The following STXBP5L variants were observed in gnomAD, a reference collection of about 807,000 sequenced individuals.
STXBP5L encodes the protein syntaxin binding protein 5L, also known as syntaxin-binding protein 5-like.
A neutral mutation model predicts 144.5 loss-of-function variants in STXBP5L; 65 were observed. The observed-to-expected ratio is 0.45, with a 90% CI of 0.37 to 0.55. The LOEUF (loss-of-function observed/expected upper bound fraction) is 0.55. Among genes scored for constraint, STXBP5L ranks in the 20% least tolerant of loss-of-function variants. The pLI, the probability that STXBP5L is intolerant of heterozygous loss-of-function variation, is 0.00. For synonymous variants in STXBP5L, 505 were observed against 469.6 expected (o/e 1.08, Z -0.97); for missense variants, 1,298 against 1,405.5 (o/e 0.92, Z 1.22).
chr3:121,043,987 C>G (rs1485422902), intron 4 of STXBP5L, among the ~76,000 whole-genome samples: 1 of 151,984 alleles, frequency 6.6e-6, no homozygotes, highest in Non-Finnish European at 1.5e-5. Context: ...CAAATGCTTC[C>G]AAGGAATCCT....
chr3:121,192,466 C>A (rs913220188), intron 9 of STXBP5L, among the ~76,000 whole-genome samples: 2 of 151,922 alleles, frequency 1.3e-5, no homozygotes, highest in African/African-American at 2.4e-5. Flanking sequence ...AATTGGAAAA[C>A]ACTACTTTAA....
At chr3:121,134,084 A>G (rs1436760413) in intron 7 of STXBP5L, among the ~76,000 whole-genome samples, 1 of 152,118 alleles carries the variant, frequency 6.6e-6, no homozygotes, top group Non-Finnish European at 1.5e-5. Context: ...AAACTGAGAA[A>G]TTCATAAAGA....
At chr3:121,399,175 A>G (rs1280226422) in intron 22 of STXBP5L, among the ~76,000 whole-genome samples, 1 of 152,142 alleles carries the variant, frequency 6.6e-6, no homozygotes, top group Non-Finnish European at 1.5e-5. Context: ...TCAGTGTGAA[A>G]AAGTTCCAAG....
chr3:121,021,827 T>C (rs920845347), intron 3 of STXBP5L, among the ~76,000 whole-genome samples: 1 of 151,920 alleles, frequency 6.6e-6, no homozygotes, highest in African/African-American at 2.4e-5. Flanking sequence ...AGAGCACAAA[T>C]AGACAATCTA....
chr3:121,330,395 C>T (rs1047680200), intron 20 of STXBP5L, among the ~76,000 whole-genome samples: 7 of 152,162 alleles, frequency 4.6e-5, no homozygotes, highest in Admixed American at 2.0e-4. Flanking sequence ...CTGATTTCCC[C>T]GGGGCTGCTT....
At chr3:120,918,195 G>C (rs1709196859) in intron 2 of STXBP5L, among the ~76,000 whole-genome samples, 3 of 152,078 alleles carry the variant, frequency 2.0e-5, no homozygotes, top group African/African-American at 7.2e-5. Context: ...ATTTAAGGAT[G>C]CCTATGATTA....
At position 121,421,273 on chromosome 3, in the gene STXBP5L, A is replaced by C. The variant is rs1576387894; in HGVS notation, c.*2176A>C. ...ATAATGAAATTCAGTCCAAAGTAGC[A>C]GTACATTTGATGAGTATTTCTGAAG... On this transcript the variant is annotated 3_prime_UTR_variant, in exon 27 of 27. Transcript: ENST00000471454. 6.6e-6 allele frequency: 1 copy of C among 152,334 alleles called. No homozygotes were observed. Among genetic ancestry groups the C allele is most frequent in the East Asian group, 1.9e-4 (1 of 5,194 alleles). 9.4% of individuals were successfully genotyped at this position (152,334 alleles called of 1,614,324 possible). A position where few individuals can be genotyped will look rare whatever the true frequency, so the allele number is the denominator to read the frequency against.
At chr3:121,002,542 G>A (rs1943872063) in intron 3 of STXBP5L, among the ~76,000 whole-genome samples, 1 of 152,056 alleles carries the variant, frequency 6.6e-6, no homozygotes, top group African/African-American at 2.4e-5. Flanking sequence ...GTTTGATATA[G>A]TCCCATTTGT....
chr3:121,024,776 C>G (rs1288163167), intron 3 of STXBP5L, among the ~76,000 whole-genome samples: 29 of 152,010 alleles, frequency 1.9e-4, no homozygotes, highest in Admixed American at 1.7e-3. Context: ...TGTATAAACA[C>G]AAGTATATAG....
At chr3:121,003,957 G>T (rs564995580) in intron 3 of STXBP5L, among the ~76,000 whole-genome samples, 3 of 152,132 alleles carry the variant, frequency 2.0e-5, no homozygotes, top group Admixed American at 6.5e-5. Context: ...CTGTAGCCTT[G>T]CAGTATAGTT....
intron 7 of STXBP5L, among the ~76,000 whole-genome samples, chr3:121,132,036 AT>A (rs2045014136): frequency 6.6e-6 from 1 of 152,150 alleles, no homozygotes; most frequent in South Asian, 2.1e-4. Context: ...AACTTTGTTC[AT>A]GTGTTTAGCA....
intron 19 of STXBP5L, among the ~76,000 whole-genome samples, chr3:121,314,456 G>C (rs764762855): frequency 7.0e-6 from 1 of 143,048 alleles, no homozygotes; most frequent in African/African-American, 2.6e-5. Context: ...CCAGTCAGGC[G>C]TGGCGGCGCG....
chr3:121,219,171 C>G (rs2048897169), intron 10 of STXBP5L, among the ~76,000 whole-genome samples: 1 of 152,108 alleles, frequency 6.6e-6, no homozygotes, highest in African/African-American at 2.4e-5. Context: ...TTTATTACCT[C>G]TGGAGCTTAG....
intron 9 of STXBP5L, among the ~76,000 whole-genome samples, chr3:121,205,520 T>G (rs1288204591): frequency 6.6e-6 from 1 of 152,196 alleles, no homozygotes; most frequent in African/African-American, 2.4e-5. Context: ...CACATGAATT[T>G]TGGGGGACAC....
At chr3:121,353,845 C>T (rs185474063) in intron 20 of STXBP5L, among the ~76,000 whole-genome samples, 1 of 152,224 alleles carries the variant, frequency 6.6e-6, no homozygotes, top group Non-Finnish European at 1.5e-5. Context: ...CCTCTACACA[C>T]TGCTTTAAAT....
intron 2 of STXBP5L, among the ~76,000 whole-genome samples, chr3:120,939,485 A>G (rs1247390870): frequency 6.6e-6 from 1 of 152,162 alleles, no homozygotes; most frequent in African/African-American, 2.4e-5. Flanking sequence ...CTGGAAATTG[A>G]AGAAGTCACC....
At chr3:121,061,565 G>A (rs1037399467) in intron 5 of STXBP5L, among the ~76,000 whole-genome samples, 1 of 152,104 alleles carries the variant, frequency 6.6e-6, no homozygotes, top group Admixed American at 6.5e-5. Flanking sequence ...ATTGACAGTG[G>A]GGTGTTAAAG....
chr3:121,208,157 A>C (rs183038234), intron 10 of STXBP5L, among the ~76,000 whole-genome samples: 141 of 152,318 alleles, frequency 9.3e-4, no homozygotes, highest in African/African-American at 3.1e-3. Flanking sequence ...GCAGTCATAA[A>C]AAAGGATGAG....
chr3:121,254,684 T>C (rs1399263498), intron 15 of STXBP5L, among the ~76,000 whole-genome samples: 1 of 152,284 alleles, frequency 6.6e-6, no homozygotes, highest in African/African-American at 2.4e-5. Flanking sequence ...GTAGTATATA[T>C]TCAAGGAATG....
Sources: gnomAD v4.1 joint callset for allele counts (sites outside exome capture counted in the v4.1 genomes callset) on GRCh38, gnomAD v4.1.1 for gene constraint, MANE v1.5 for transcripts, NCBI Gene and HGNC (gene_info 2026-07-23, HGNC 2026-07-21) for gene names.